The following SAA4 variants were observed in gnomAD, a reference collection of about 807,000 sequenced individuals.
SAA4 encodes serum amyloid A4, constitutive.
A neutral mutation model predicts 11.2 loss-of-function variants in SAA4; 8 were observed. The observed-to-expected ratio is 0.71, with a 90% confidence interval of 0.42 to 1.29. The LOEUF is 1.29. SAA4 is among the 50% of genes most tolerant of loss of function. The pLI is 0.01. For synonymous variants in SAA4, 60 were observed against 56.2 expected (o/e 1.07, Z -0.30); for missense variants, 171 against 164.2 (o/e 1.04, Z -0.23).
At chr11:18,236,568 A>G (rs2134128815) in intron 1 of SAA4, 149 bp downstream of exon 1, 1 of 152,376 alleles carries the variant, frequency 6.6e-6, no homozygotes, top group Non-Finnish European at 1.5e-5. Flanking sequence ...TCAATCAAGA[A>G]GCATTTCCTG....
Position 18,235,910 on chromosome 11 carries a change from C to A in SAA4, c.17G>T (p.Gly6Val), listed in dbSNP as rs755127485. 1 of 1,613,222 alleles carries A rather than the reference C, an allele frequency of 6.2e-7. No individual in the cohort carries two copies. The highest frequency in any genetic ancestry group is 1.1e-5 in the South Asian group (1 of 90,978). ...CATGACCAAGGAGCAGAAAACAATGCCTGTGAAAAGCCTCATTGTGCTGAA... is the reference window on the plus strand; with the variant it reads ...CATGACCAAGGAGCAGAAAACAATGACTGTGAAAAGCCTCATTGTGCTGAA... MRLFT[G>V]IVFCSLVMGV... The change falls in exon 2 of 4, where the codon GGC (glycine) becomes GTC (valine). Residue 6 changes from glycine to valine, a missense_variant. Transcript: ENST00000278222.
At chr11:18,234,163 T>C (rs1350023865) in intron 2 of SAA4, among the ~76,000 whole-genome samples, 1 of 152,154 alleles carries the variant, frequency 6.6e-6, no homozygotes, top group African/African-American at 2.4e-5. Flanking sequence ...TAATGTTGAG[T>C]GAAACAAAGC....
At chr11:18,231,802 G>T in intron 3 of SAA4, 138 bp from the exon 4 acceptor site, 1 of 1,095,040 alleles carries the variant, frequency 9.1e-7, no homozygotes, top group Non-Finnish European at 1.3e-6. Context: ...AAGGAAAGGG[G>T]AAGAAAACTA....
At chr11:18,232,584 T>A in intron 2 of SAA4, 51 bp from the exon 3 acceptor site, 1 of 1,572,648 alleles carries the variant, frequency 6.4e-7, no homozygotes, top group South Asian at 1.2e-5. Context: ...ACTGGAGAAA[T>A]GTAGAAATGA....
rs1243954967 is a variant in SAA4 at position 18,232,550 on chromosome 11, T to C, written c.92-17A>G. ...CCCCAACCCCTGGAAAGAAAAAAAA[T>C]GACAAAAATGAACCCAGTGACATAC... On this transcript the variant is annotated splice_polypyrimidine_tract_variant and intron_variant, in intron 2 of 3. Transcript: ENST00000278222. 1.2e-6 allele frequency: 2 copies of C among 1,606,056 alleles called. No homozygotes were observed. The highest frequency in any genetic ancestry group is 1.7e-5 in the Admixed American group (1 of 58,810).
chr11:18,235,754 G>T, intron 2 of SAA4, 82 bp downstream of exon 2: 3 of 1,369,970 alleles, frequency 2.2e-6, no homozygotes, highest in Non-Finnish European at 3.1e-6. Flanking sequence ...GCTTCTCTAA[G>T]GAGCACTCAC....
At chr11:18,232,028 A>G (rs542304080) in intron 3 of SAA4, among the ~76,000 whole-genome samples, 1 of 151,918 alleles carries the variant, frequency 6.6e-6, no homozygotes, top group African/African-American at 2.4e-5. Context: ...ACTACGGTGC[A>G]TGCCACCACG....
chr11:18,232,251 T>C, intron 3 of SAA4, 144 bp downstream of exon 3: 2 of 1,267,140 alleles, frequency 1.6e-6, no homozygotes, highest in Non-Finnish European at 2.2e-6. Context: ...AGGAGACATG[T>C]CTTCACCAGC....
chr11:18,235,781 G>A (rs114153873), intron 2 of SAA4, 55 bp downstream of exon 2: 1 of 1,558,416 alleles, frequency 6.4e-7, no homozygotes, highest in East Asian at 2.3e-5. Context: ...TGAGTATGTG[G>A]CCCCTGCTCA....
At chr11:18,232,903 A>G (rs910678263) in intron 2 of SAA4, among the ~76,000 whole-genome samples, 8 of 151,728 alleles carry the variant, frequency 5.3e-5, no homozygotes, top group Non-Finnish European at 1.2e-4. Flanking sequence ...GTCTGTGTGT[A>G]CTGTGTACAA....
rs2134124639 is a variant in SAA4 at position 18,231,543 on chromosome 11, G to A, written c.352C>T (p.Pro118Ser). ...AEEWGRSGKD[P>S]DRFRPDGLPK... ...AGGCCGTCAGGTCTGAAGCGGTCGG[G>A]GTCTTTGCCACTCCGGCCCCATTCC... Residue 118 changes from proline (P) to serine (S), a missense_variant, in exon 4 of 4, where the codon CCC becomes TCC. Physicochemically the swap from Pro to Ser is moderately conservative, Grantham distance 74. Transcript: ENST00000278222. 6.2e-7 allele frequency: 1 copy of A among 1,613,962 alleles called. No individual in the cohort carries two copies.
chr11:18,231,781 C>T, intron 3 of SAA4, 117 bp from the exon 4 acceptor site: 1 of 1,318,660 alleles, frequency 7.6e-7, no homozygotes, highest in Non-Finnish European at 1.0e-6. Context: ...TGAGAGGAGG[C>T]TGGAAAACTC....
chr11:18,231,749 C>G, intron 3 of SAA4, 85 bp from the exon 4 acceptor site: 8 of 1,480,156 alleles, frequency 5.4e-6, no homozygotes, highest in Non-Finnish European at 7.2e-6. Flanking sequence ...ACTCCCTCCT[C>G]TTCTCCCACC....
chr11:18,235,788 C>A, intron 2 of SAA4, 48 bp downstream of exon 2: 2 of 1,592,512 alleles, frequency 1.3e-6, no homozygotes, highest in South Asian at 1.1e-5. Flanking sequence ...GTGGCCCCTG[C>A]TCAGAATGAA....
intron 2 of SAA4, 70 bp downstream of exon 2, chr11:18,235,766 T>G (rs1857199321): frequency 6.8e-7 from 1 of 1,471,210 alleles, no homozygotes; most frequent in African/African-American, 1.4e-5. Context: ...AGCACTCACA[T>G]CCAGTGAGTA....
chr11:18,232,918 G>C (rs1387242529), intron 2 of SAA4, among the ~76,000 whole-genome samples: 1 of 152,212 alleles, frequency 6.6e-6, no homozygotes, highest in Non-Finnish European at 1.5e-5. Flanking sequence ...GTACAAAGAG[G>C]GGATGCTCAT....
chr11:18,236,605 C>T (rs1590008010), intron 1 of SAA4, 112 bp downstream of exon 1: 1 of 152,140 alleles, frequency 6.6e-6, no homozygotes, highest in Admixed American at 6.5e-5. Context: ...AGCACTGACC[C>T]CGTAATGAGG....
Position 18,232,493 on chromosome 11 carries a change from T to C in SAA4, c.132A>G (p.Ile44Met). 1 of 1,614,178 alleles carries C rather than the reference T, an allele frequency of 6.2e-7. No individual in the cohort carries two copies. Residue 44 changes from isoleucine (I) to methionine (M), a missense_variant, in exon 3 of 4, where the codon ATA becomes ATG. Transcript: ENST00000278222. ...ATCTGTTTGAATTTTGGTGATTGGATATCATTATGTCCCAATAGGCTCTGC... is the reference window on the plus strand; with the variant it reads ...ATCTGTTTGAATTTTGGTGATTGGACATCATTATGTCCCAATAGGCTCTGC... Reference protein sequence around the residue: ...DMGRAYWDIMISNHQNSNRYL... With the variant: ...DMGRAYWDIMMSNHQNSNRYL...
intron 3 of SAA4, among the ~76,000 whole-genome samples, 199 bp downstream of exon 3, chr11:18,232,196 G>T (rs1443770949): frequency 1.0e-5 from 1 of 96,846 alleles, no homozygotes; most frequent in Non-Finnish European, 2.3e-5. Context: ...GCAACAGTGT[G>T]CTTTCAAGAC....
Sources: allele counts gnomAD v4.1 joint callset (sites outside exome capture counted in the v4.1 genomes callset), GRCh38; gene constraint gnomAD v4.1.1; transcripts MANE v1.5; gene names NCBI Gene and HGNC (gene_info 2026-07-23, HGNC 2026-07-21).